Variants in ADAMTS17 observed in about 807,000 individuals in gnomAD.
The protein encoded by ADAMTS17 is A disintegrin and metalloproteinase with thrombospondin motifs 17.
Under a neutral mutation model 141.5 loss-of-function variants are expected in ADAMTS17, and 113 were observed. The ratio of observed to expected loss-of-function variants is 0.80; its 90% confidence interval spans 0.69 to 0.93. ADAMTS17 has a LOEUF of 0.93. ADAMTS17 is among the 40% of genes least tolerant of loss of function. The pLI is 0.00. For synonymous variants in ADAMTS17, 768 were observed against 630.6 expected (o/e 1.22, Z -3.27); for missense variants, 1,659 against 1,517.9 (o/e 1.09, Z -1.54).
rs1314489981 is a variant in ADAMTS17, at chr15:100,043,582, G to C, written c.2591+5275C>G. 2.0e-5 allele frequency among the ~76,000 whole-genome samples: 3 copies of C among 152,182 alleles called. No individual in the cohort carries two copies. The East Asian group carries it at 5.8e-4, about 29-fold the overall frequency. ...AACACAGGCCAGCAAACTCTTACGT[G>C]TGGGCTATGTCTGGCCTGCGGGGTT... On this transcript the variant is annotated intron_variant, in intron 18 of 21. Coordinates refer to ENST00000268070, the MANE Select transcript of ADAMTS17 (RefSeq NM_139057.4).
Position 100,051,882 on chromosome 15 carries a change from C to T in ADAMTS17, c.2296-151G>A, listed in dbSNP as rs561965277. On this transcript the variant is annotated intron_variant, in intron 16 of 21. Coordinates refer to ENST00000268070, the MANE Select transcript of ADAMTS17 (RefSeq NM_139057.4). ...CTGAAAACAGGTTCCACTGAGGGTG[C>T]TCCTTTATCTCAGCCCTGGATTCCT... The T allele has an allele frequency of 1.8e-4, 174 of 950,628 alleles. No homozygotes were observed. The South Asian group carries it at 2.2e-3, about 12-fold the overall frequency. 58.9% of individuals were successfully genotyped at this position (950,628 alleles called of 1,614,324 possible). A position where few individuals can be genotyped will look rare whatever the true frequency, so the allele number is the denominator to read the frequency against.
chr15:100,283,287 C>A (rs2044343491), intron 3 of ADAMTS17, among the ~76,000 whole-genome samples: 1 of 152,200 alleles, frequency 6.6e-6, no homozygotes, highest in South Asian at 2.1e-4. Flanking sequence ...CATTCTAACA[C>A]AAAATCAAGG....
chr15:100,091,104 G>T (rs372871469), intron 15 of ADAMTS17, among the ~76,000 whole-genome samples: 2 of 151,006 alleles, frequency 1.3e-5, no homozygotes, highest in Non-Finnish European at 2.9e-5. Flanking sequence ...ACTGCCTCGA[G>T]CTCACAGTCC....
chr15:100,262,245 C>T (rs554993152), intron 5 of ADAMTS17, 107 bp downstream of exon 5: 24 of 996,686 alleles, frequency 2.4e-5, no homozygotes, highest in South Asian at 1.3e-4. Context: ...CAGAGAGTGA[C>T]GGAGACTGGC....
chr15:100,016,501 A>C (rs2061291532), intron 18 of ADAMTS17, among the ~76,000 whole-genome samples: 1 of 152,196 alleles, frequency 6.6e-6, no homozygotes, highest in African/African-American at 2.4e-5. Context: ...GACTCTGTCA[A>C]AGGAAAGGTC....
intron 15 of ADAMTS17, among the ~76,000 whole-genome samples, chr15:100,089,484 A>G (rs1030905080): frequency 6.0e-5 from 9 of 151,150 alleles, no homozygotes; most frequent in African/African-American, 1.7e-4. Context: ...ATTACTGGGT[A>G]TATACCCAAA....
intron 9 of ADAMTS17, among the ~76,000 whole-genome samples, chr15:100,154,653 G>A (rs767234820): frequency 1.2e-4 from 19 of 152,192 alleles, no homozygotes; most frequent in Middle Eastern, 3.2e-3. Flanking sequence ...TCAGATGGCA[G>A]ATTCTTCCAC....
chr15:100,310,219 AC>A (rs1032569795), intron 3 of ADAMTS17, among the ~76,000 whole-genome samples: 8 of 151,984 alleles, frequency 5.3e-5, no homozygotes, highest in Non-Finnish European at 1.0e-4. Flanking sequence ...TTCAGATGAT[AC>A]CCCCAGGGAC....
chr15:100,330,942 G>C lies in ADAMTS17; in HGVS notation c.563C>G (p.Pro188Arg). ...HLIRRKWSLTPSPSAEAQRPE... is the reference protein window; with the variant it reads ...HLIRRKWSLTRSPSAEAQRPE... The stretch of plus-strand genomic sequence containing the variant: ...TCTCTGGGCCTCAGCAGAAGGGCTG[G>C]GGGTCAAGGACCATTTGCGCCTGAT... The change falls in exon 3 of 22, where the codon CCC (proline) becomes CGC (arginine). Residue 188 changes from proline (P) to arginine (R), a missense_variant. Transcript: ENST00000268070. 1 of 1,614,108 alleles carries C rather than the reference G, an allele frequency of 6.2e-7. No homozygotes were observed. Among genetic ancestry groups the C allele is most frequent in the Non-Finnish European group, 8.5e-7 (1 of 1,180,032 alleles).
chr15:100,003,316 C>T (rs1372055891), intron 18 of ADAMTS17, among the ~76,000 whole-genome samples: 1 of 152,054 alleles, frequency 6.6e-6, no homozygotes, highest in Non-Finnish European at 1.5e-5. Context: ...GCCACATAAC[C>T]AGCCGGATCA....
chr15:100,246,997 C>T (rs975434683), intron 7 of ADAMTS17, among the ~76,000 whole-genome samples: 1 of 152,140 alleles, frequency 6.6e-6, no homozygotes, highest in African/African-American at 2.4e-5. Context: ...GATTCTCCTG[C>T]CTCAGCCTTC....
In ADAMTS17 at chr15:99,976,565, C is replaced by A. The variant is rs1320831678; in HGVS notation, c.2950-343G>T. 8.8e-6 allele frequency: 4 copies of A among 454,836 alleles called. No homozygotes were observed. The Admixed American group carries it at 1.1e-4, about 12-fold the overall frequency. The allele number at this position is 454,836 out of a possible 1,614,324, so 28.2% of individuals were successfully genotyped here. The stretch of plus-strand genomic sequence containing the variant: ...TATGGAATACATGTTTGTGTCTCTG[C>A]AAAATGCAGATGTTGGAGCCGTGGA... On this transcript the variant is annotated intron_variant, in intron 20 of 21. Coordinates refer to ENST00000268070, the MANE Select transcript of ADAMTS17 (RefSeq NM_139057.4).
At chr15:99,983,767 G>A (rs533338313) in intron 20 of ADAMTS17, among the ~76,000 whole-genome samples, 10 of 152,190 alleles carry the variant, frequency 6.6e-5, no homozygotes, top group East Asian at 1.9e-4. Context: ...ATCCACCCCC[G>A]TCCCCACTGA....
intron 8 of ADAMTS17, among the ~76,000 whole-genome samples, chr15:100,182,592 C>T (rs2040563788): frequency 6.6e-6 from 1 of 152,206 alleles, no homozygotes; most frequent in South Asian, 2.1e-4. Context: ...CTACCGACTT[C>T]AATGCCTCCT....
intron 3 of ADAMTS17, among the ~76,000 whole-genome samples, chr15:100,292,165 G>A (rs116908611): frequency 2.4e-4 from 30 of 124,342 alleles, no homozygotes; most frequent in South Asian, 1.4e-3. Context: ...TCACCCCGTG[G>A]GAAACTACGA....
intron 18 of ADAMTS17, among the ~76,000 whole-genome samples, chr15:100,035,205 G>A (rs2030587025): frequency 6.6e-6 from 1 of 152,160 alleles, no homozygotes; most frequent in Admixed American, 6.5e-5. Context: ...AATGACCCAG[G>A]TTTCACCATA....
chr15:100,108,927 G>A, intron 14 of ADAMTS17, 62 bp downstream of exon 14: 3 of 1,609,760 alleles, frequency 1.9e-6, no homozygotes, highest in Non-Finnish European at 1.7e-6. Context: ...CCCACTCCCT[G>A]TCTGGGGAGA....
At chr15:100,257,482 G>T (rs1287935764) in intron 6 of ADAMTS17, among the ~76,000 whole-genome samples, 1 of 152,272 alleles carries the variant, frequency 6.6e-6, no homozygotes, top group African/African-American at 2.4e-5. Flanking sequence ...GACTGTGATT[G>T]CTCATGTAGC....
chr15:100,007,267 C>A (rs941043386), intron 18 of ADAMTS17, among the ~76,000 whole-genome samples: 1 of 152,288 alleles, frequency 6.6e-6, no homozygotes, highest in African/African-American at 2.4e-5. Context: ...TGTGGTGCAA[C>A]TGACAAGTCT....
Sources: allele counts gnomAD v4.1 joint callset (sites outside exome capture counted in the v4.1 genomes callset), GRCh38; gene constraint gnomAD v4.1.1; transcripts MANE v1.5; gene names NCBI Gene and HGNC (gene_info 2026-07-23, HGNC 2026-07-21).